KCTD20: variants seen among roughly 807,000 people sequenced by gnomAD.
The protein encoded by KCTD20 is BTB/POZ domain-containing protein KCTD20.
In KCTD20, 30 loss-of-function variants were observed where a neutral mutation model predicts 39.6. The observed-to-expected ratio is 0.76, with a 90% CI of 0.57 to 1.03. The LOEUF is 1.03. Among genes scored for constraint, KCTD20 ranks in the 50% least tolerant of loss-of-function variants. The pLI is 0.00. For synonymous variants in KCTD20, 162 were observed against 180.6 expected (o/e 0.90, Z 0.83); for missense variants, 422 against 522.0 (o/e 0.81, Z 1.87).
intron 7 of KCTD20, 127 bp from the exon 8 acceptor site, chr6:36,486,756 G>C: frequency 1.3e-6 from 1 of 757,594 alleles, no homozygotes; most frequent in Non-Finnish European, 2.2e-6. Context: ...GACAGGGACT[G>C]GTCACTTCGC....
chr6:36,447,352 G>A (rs1456262502), intron 1 of KCTD20, among the ~76,000 whole-genome samples: 2 of 152,020 alleles, frequency 1.3e-5, no homozygotes, highest in Non-Finnish European at 2.9e-5. Flanking sequence ...TTTAGGCTGG[G>A]CAGGATGGCT....
Position 36,484,122 on chromosome 6 carries a change from G to A in KCTD20, c.857-592G>A, listed in dbSNP as rs554026497. ...GCCTAATTTTTCTATTTTTAGTAGA[G>A]ACGGGGTTTCACCATGTTAGTCAGG... On this transcript the variant is annotated intron_variant, in intron 6 of 7. Coordinates refer to ENST00000373731, the MANE Select transcript of KCTD20 (RefSeq NM_173562.5). Among the ~76,000 whole-genome samples the A allele has an allele frequency of 9.9e-5, 15 of 152,026 alleles. No individual in the cohort carries two copies. The South Asian group carries it at 2.9e-3, about 29-fold the overall frequency.
In KCTD20 at chr6:36,490,834, C is replaced by T. The variant is rs1776565694; in HGVS notation, c.*3659C>T. Reference sequence around the variant, plus strand: ...TGGATGACAGGGCAAGACCCTGTCTCAATATTTTAAGTCAAGGGTTTGTAG... The same window carrying T: ...TGGATGACAGGGCAAGACCCTGTCTTAATATTTTAAGTCAAGGGTTTGTAG... On this transcript the variant is annotated 3_prime_UTR_variant, in exon 8 of 8. Coordinates refer to ENST00000373731, the MANE Select transcript of KCTD20 (RefSeq NM_173562.5). The T allele has an allele frequency of 6.6e-6, 1 of 152,022 alleles. No individual in the cohort carries two copies. 9.4% of individuals were successfully genotyped at this position (152,022 alleles called of 1,614,324 possible).
intron 1 of KCTD20, among the ~76,000 whole-genome samples, chr6:36,458,507 C>T (rs1243702216): frequency 1.4e-5 from 2 of 144,818 alleles, no homozygotes; most frequent in African/African-American, 2.6e-5. Context: ...TGCTACTGCA[C>T]TCCACCCTGG....
chr6:36,487,102 C>T lies in KCTD20; in HGVS notation c.1187C>T (p.Pro396Leu), dbSNP rs564247206. 1 of 1,614,174 alleles carries T rather than the reference C, an allele frequency of 6.2e-7. No individual in the cohort carries two copies. The highest frequency in any genetic ancestry group is 8.5e-7 in the Non-Finnish European group (1 of 1,180,018). Reference sequence around the variant, plus strand: ...GACCAGGAGATATTAATGCATCACCCACCCCAAGTGGATGAACTTGACCGG... The same window carrying T: ...GACCAGGAGATATTAATGCATCACCTACCCCAAGTGGATGAACTTGACCGG... Reference protein sequence around the residue: ...LEDQEILMHHPPQVDELDRLN... With the variant: ...LEDQEILMHHLPQVDELDRLN... The change falls in exon 8 of 8, where the codon CCA (proline) becomes CTA (leucine). Residue 396 changes from proline to leucine, a missense_variant. Transcript: ENST00000373731.
In KCTD20 at chr6:36,487,100, C is replaced by T. The variant is rs1379967610; in HGVS notation, c.1185C>T (p.His395=). 6.2e-7 allele frequency: 1 copy of T among 1,613,968 alleles called. No homozygotes were observed. The highest frequency in any genetic ancestry group is 8.5e-7 in the Non-Finnish European group (1 of 1,179,956). Residue 395 remains histidine, a synonymous_variant, in exon 8 of 8, where the codon CAC becomes CAT. Coordinates refer to ENST00000373731, the MANE Select transcript of KCTD20 (RefSeq NM_173562.5). ...VLEDQEILMH[H]PPQVDELDRL... Reference sequence around the variant, plus strand: ...AGGACCAGGAGATATTAATGCATCACCCACCCCAAGTGGATGAACTTGACC... The same window carrying T: ...AGGACCAGGAGATATTAATGCATCATCCACCCCAAGTGGATGAACTTGACC...
chr6:36,476,758 C>A (rs1323998426), intron 3 of KCTD20, among the ~76,000 whole-genome samples: 1 of 152,098 alleles, frequency 6.6e-6, no homozygotes, highest in African/African-American at 2.4e-5. Context: ...TAGAACCAAA[C>A]CTGTCTACAT....
At chr6:36,446,129 C>T (rs1044248974) in intron 1 of KCTD20, among the ~76,000 whole-genome samples, 3 of 147,404 alleles carry the variant, frequency 2.0e-5, no homozygotes, top group Non-Finnish European at 4.5e-5. Flanking sequence ...TGGGTTCAAG[C>T]GATTCTCCTG....
chr6:36,486,987 G>C lies in KCTD20; in HGVS notation c.1072G>C (p.Glu358Gln). 6.2e-7 allele frequency: 1 copy of C among 1,614,222 alleles called. No individual in the cohort carries two copies. Among genetic ancestry groups the C allele is most frequent in the South Asian group, 1.1e-5 (1 of 91,088 alleles). Residue 358 changes from glutamate (E) to glutamine (Q), a missense_variant, in exon 8 of 8, where the codon GAA (glutamate) becomes CAA (glutamine). By Grantham distance (29) the Glu-to-Gln change is conservative (BLOSUM62 2). Transcript: ENST00000373731. Reference sequence around the variant, plus strand: ...CTTCATCCAGATGTCATGGGAAAAGGAAGAAGGGAAGAGTCGCCATGTGGA... The same window carrying C: ...CTTCATCCAGATGTCATGGGAAAAGCAAGAAGGGAAGAGTCGCCATGTGGA... ...RPFIQMSWEK[E>Q]EGKSRHVDFQ...
At chr6:36,477,390 A>G (rs965342214) in intron 3 of KCTD20, among the ~76,000 whole-genome samples, 2 of 152,130 alleles carry the variant, frequency 1.3e-5, no homozygotes, top group Non-Finnish European at 2.9e-5. Context: ...CCAGAAAAAC[A>G]TCTGCATTCT....
chr6:36,474,374 G>A lies in KCTD20; in HGVS notation c.161-415G>A, dbSNP rs1296391911. ...ACGGGAAATATAAAAGTATTATTTAGCAATAGAAGTGAAAACAAGTAAAAA... is the reference window on the plus strand; with the variant it reads ...ACGGGAAATATAAAAGTATTATTTAACAATAGAAGTGAAAACAAGTAAAAA... On this transcript the variant is annotated intron_variant, in intron 2 of 7. Coordinates refer to ENST00000373731, the MANE Select transcript of KCTD20 (RefSeq NM_173562.5). Among the ~76,000 whole-genome samples, 5 of 152,092 alleles carry A rather than the reference G, an allele frequency of 3.3e-5. No homozygotes were observed. The East Asian group carries it at 9.6e-4, about 29-fold the overall frequency.
chr6:36,465,072 T>G (rs1156579112), intron 1 of KCTD20, among the ~76,000 whole-genome samples: 2 of 151,942 alleles, frequency 1.3e-5, no homozygotes, highest in South Asian at 4.2e-4. Flanking sequence ...CCAAGGTGGG[T>G]GGATCATGAG....
chr6:36,453,071 G>A (rs937084634), intron 1 of KCTD20, among the ~76,000 whole-genome samples: 13 of 140,422 alleles, frequency 9.3e-5, no homozygotes, highest in African/African-American at 3.5e-4. Flanking sequence ...GCAGTGGCGC[G>A]ATCTTGGCTC....
At chr6:36,451,377 G>A (rs909124971) in intron 1 of KCTD20, among the ~76,000 whole-genome samples, 2 of 152,258 alleles carry the variant, frequency 1.3e-5, no homozygotes, top group Admixed American at 6.5e-5. Flanking sequence ...GAAAAGTCAC[G>A]TGATTCTACA....
chr6:36,468,967 TTAATA>T (rs1775837445), intron 1 of KCTD20, among the ~76,000 whole-genome samples: 1 of 152,236 alleles, frequency 6.6e-6, no homozygotes, highest in South Asian at 2.1e-4. Flanking sequence ...TAAAAATATT[TTAATA>T]TATGTTATGA....
rs768292697 is a variant in KCTD20 at position 36,474,893 on chromosome 6, C to T, written c.265C>T (p.Arg89Trp). Residue 89 changes from arginine (R) to tryptophan (W), a missense_variant, in exon 3 of 8, where the codon CGG (arginine) becomes TGG (tryptophan). Arg to Trp is a moderately radical substitution (Grantham distance 101). Transcript: ENST00000373731. Reference sequence around the variant, plus strand: ...TTCTTGCTTCCAAAGTGGGAATAAACGGAACCATGAACCTTTTATTGCTCC... The same window carrying T: ...TTCTTGCTTCCAAAGTGGGAATAAATGGAACCATGAACCTTTTATTGCTCC... Reference protein sequence around the residue: ...KGSCFQSGNKRNHEPFIAPER... With the variant: ...KGSCFQSGNKWNHEPFIAPER... 11 of 1,614,122 alleles carry T rather than the reference C, an allele frequency of 6.8e-6. No individual in the cohort carries two copies. The highest frequency in any genetic ancestry group is 2.2e-5 in the South Asian group (2 of 91,084).
chr6:36,480,036 G>A (rs1222597959), intron 5 of KCTD20, among the ~76,000 whole-genome samples: 3 of 151,922 alleles, frequency 2.0e-5, no homozygotes, highest in Non-Finnish European at 4.4e-5. Flanking sequence ...CAGGTGATCC[G>A]CCCGCCCTCA....
intron 1 of KCTD20, among the ~76,000 whole-genome samples, chr6:36,457,093 C>T (rs868200679): frequency 6.4e-4 from 98 of 152,180 alleles, no homozygotes; most frequent in African/African-American, 2.0e-3. Flanking sequence ...CCACCGTGCC[C>T]GGCCTAATTT....
At chr6:36,453,517 G>GTTTTTTT (rs545358597) in intron 1 of KCTD20, among the ~76,000 whole-genome samples, 1 of 134,908 alleles carries the variant, frequency 7.4e-6, no homozygotes, top group African/African-American at 2.7e-5. Flanking sequence ...TTTGTTTTTT[G>GTTTTTTT]TTTTTTTTTT....
Sources: gnomAD v4.1 joint callset for allele counts (sites outside exome capture counted in the v4.1 genomes callset) on GRCh38, gnomAD v4.1.1 for gene constraint, MANE v1.5 for transcripts, NCBI Gene and HGNC (gene_info 2026-07-23, HGNC 2026-07-21) for gene names.